CELF6: variants seen among roughly 807,000 people sequenced by gnomAD.
CELF6 encodes CUGBP Elav-like family member 6.
In CELF6, 32 loss-of-function variants were observed where a neutral mutation model predicts 53.1. That is an observed-to-expected ratio of 0.60 (90% CI 0.46 to 0.81). CELF6 has a LOEUF of 0.81. Among genes scored for constraint, CELF6 ranks in the 30% least tolerant of loss-of-function variants. CELF6 has a pLI of 0.00. For missense variants in CELF6, 539 were observed against 669.5 expected, an observed-to-expected ratio of 0.81 and a Z score of 2.15; for synonymous variants, 291 against 288.8, an observed-to-expected ratio of 1.01 and a Z score of -0.08.
Position 72,286,283 on chromosome 15 carries a change from G to T in CELF6, c.*88C>A. On this transcript the variant is annotated 3_prime_UTR_variant, in exon 13 of 13. Coordinates refer to ENST00000287202, the MANE Select transcript of CELF6 (RefSeq NM_052840.5). ...CACCTCCGTCCGCAGCTGCTCCTTCGGGAAGGGCTGCTCAAGCGTTTCTGT... is the reference window on the plus strand; with the variant it reads ...CACCTCCGTCCGCAGCTGCTCCTTCTGGAAGGGCTGCTCAAGCGTTTCTGT... The T allele has an allele frequency of 6.5e-6, 1 of 152,870 alleles. No individual in the cohort carries two copies. 9.5% of individuals were successfully genotyped at this position (152,870 alleles called of 1,614,324 possible).
intron 1 of CELF6, among the ~76,000 whole-genome samples, chr15:72,316,715 C>T (rs1343564733): frequency 6.6e-6 from 1 of 152,214 alleles, no homozygotes; most frequent in Non-Finnish European, 1.5e-5. Flanking sequence ...GACCTGTAGC[C>T]TGCTAGGAAG....
intron 3 of CELF6, among the ~76,000 whole-genome samples, chr15:72,300,560 G>C (rs943245181): frequency 1.3e-5 from 2 of 152,128 alleles, no homozygotes; most frequent in African/African-American, 4.8e-5. Context: ...TAGGTTGGGC[G>C]TGGTGGCTCA....
intron 2 of CELF6, among the ~76,000 whole-genome samples, chr15:72,310,368 A>G (rs2912221): frequency 0.19 from 29,544 of 151,916 alleles, 7,666 homozygotes; most frequent in African/African-American, 0.59. Flanking sequence ...TAGAATCTAT[A>G]TGGATATCCT....
chr15:72,306,078 T>G, intron 2 of CELF6: 1 of 984,976 alleles, frequency 1.0e-6, no homozygotes, highest in East Asian at 1.1e-4. Flanking sequence ...TTTCAATATA[T>G]CGCCCCCACA....
chr15:72,294,378 TA>T (rs2088047518), intron 3 of CELF6, among the ~76,000 whole-genome samples: 1 of 152,164 alleles, frequency 6.6e-6, no homozygotes, highest in Non-Finnish European at 1.5e-5. Flanking sequence ...TTTTTCAATG[TA>T]AATGCCAACC....
rs1185597918 is a variant in CELF6, at chr15:72,319,407, A to G, written c.262+206T>C. 6.6e-6 allele frequency among the ~76,000 whole-genome samples: 1 copy of G among 152,102 alleles called. No homozygotes were observed. The highest frequency in any genetic ancestry group is 6.5e-5 in the Admixed American group (1 of 15,270). On this transcript the variant is annotated intron_variant, in intron 1 of 12. Coordinates refer to ENST00000287202, the MANE Select transcript of CELF6 (RefSeq NM_052840.5). The surrounding 1 kb of genome is among the most constrained non-coding windows in gnomAD (Gnocchi z 5.0). Reference sequence around the variant, plus strand: ...CAGGAATTTGGAGGTTAGAGTGGAGAACATGTTAGGGGACCACAGTGATAA... The same window carrying G: ...CAGGAATTTGGAGGTTAGAGTGGAGGACATGTTAGGGGACCACAGTGATAA...
chr15:72,315,708 A>G (rs1470669341), intron 2 of CELF6, 137 bp downstream of exon 2: 2 of 558,304 alleles, frequency 3.6e-6, no homozygotes, highest in Non-Finnish European at 6.3e-6. Context: ...TTCAGGGTAC[A>G]GGAAGCCCTC....
At chr15:72,292,330 G>T in intron 3 of CELF6, 1 of 1,144,218 alleles carries the variant, frequency 8.7e-7, no homozygotes, top group Non-Finnish European at 1.2e-6. Context: ...CCTTGACATT[G>T]GAGAATGGGC....
At chr15:72,305,509 A>G (rs1036607518) in intron 2 of CELF6, among the ~76,000 whole-genome samples, 8 of 152,176 alleles carry the variant, frequency 5.3e-5, no homozygotes, top group Admixed American at 2.0e-4. Flanking sequence ...GCCCGGCCAG[A>G]TTCAATTTTT....
chr15:72,315,397 T>G (rs1239640465), intron 2 of CELF6, among the ~76,000 whole-genome samples: 1 of 152,036 alleles, frequency 6.6e-6, no homozygotes, highest in African/African-American at 2.4e-5. Flanking sequence ...ACAATCTTAG[T>G]GAGTCAAGGC....
Position 72,315,904 on chromosome 15 carries a change from C to A in CELF6, c.286G>T (p.Ala96Ser). 3 of 1,607,794 alleles carry A rather than the reference C, an allele frequency of 1.9e-6. No individual in the cohort carries two copies. Among genetic ancestry groups the A allele is most frequent in the Non-Finnish European group, 2.5e-6 (3 of 1,177,376 alleles). ...HKGCAFLTYC[A>S]RDSALKAQSA... ...TGGGCCTTGAGAGCAGAGTCCCGGGCGCAGTAGGTGAGGAAGGCACAGCCT... is the reference window on the plus strand; with the variant it reads ...TGGGCCTTGAGAGCAGAGTCCCGGGAGCAGTAGGTGAGGAAGGCACAGCCT... Residue 96 changes from alanine (A) to serine (S), a missense_variant, in exon 2 of 13, where the codon GCC (alanine) becomes TCC (serine). This residue lies in a region of CELF6 where 97 missense variants were observed against 168.8 expected (regional missense o/e 0.57). Coordinates refer to ENST00000287202, the MANE Select transcript of CELF6 (RefSeq NM_052840.5).
At chr15:72,315,813 G>C (rs1305790990) in intron 2 of CELF6, 32 bp downstream of exon 2, 1 of 1,487,908 alleles carries the variant, frequency 6.7e-7, no homozygotes, top group Non-Finnish European at 9.2e-7. Context: ...CCAGCCTGAG[G>C]TGATTCCCAC....
chr15:72,293,960 CT>C (rs61264737), intron 3 of CELF6, among the ~76,000 whole-genome samples: 152,303 of 152,304 alleles, frequency 1, 76,151 homozygotes, highest in Non-Finnish European at 1. Flanking sequence ...TCCCACAGTG[CT>C]TGGGATTTCA....
At position 72,289,319 on chromosome 15, in the gene CELF6, G is replaced by A. The variant is rs1168051124; in HGVS notation, c.881-32C>T. 4.6e-6 allele frequency: 7 copies of A among 1,538,450 alleles called. No homozygotes were observed. The highest frequency in any genetic ancestry group is 2.0e-5 in the Admixed American group (1 of 49,898). ...GCGGAAAAGGTCTGAGAGTCAGGCC[G>A]CCACCCCGCCCCGCCCGGCCCCTCC... is the stretch of plus-strand genomic sequence containing the variant. On this transcript the variant is annotated intron_variant, in intron 7 of 12. Transcript: ENST00000287202. The surrounding 1 kb of genome is among the most constrained non-coding windows in gnomAD (Gnocchi z 7.6).
intron 2 of CELF6, chr15:72,306,157 T>C (rs1319509305): frequency 1.0e-6 from 1 of 977,624 alleles, no homozygotes; most frequent in Non-Finnish European, 1.2e-6. Context: ...CTCATGGGTG[T>C]TGTGGGGATC....
At chr15:72,290,555 C>G (rs920281146) in intron 3 of CELF6, among the ~76,000 whole-genome samples, 4 of 152,122 alleles carry the variant, frequency 2.6e-5, no homozygotes, top group Non-Finnish European at 4.4e-5. Flanking sequence ...GGGTAGAGCC[C>G]TATATGCATT....
At chr15:72,301,241 G>C (rs1005597553) in intron 3 of CELF6, among the ~76,000 whole-genome samples, 3 of 152,070 alleles carry the variant, frequency 2.0e-5, no homozygotes, top group Admixed American at 2.0e-4. Flanking sequence ...TCATCCTCCC[G>C]CCTTGGCCTC....
chr15:72,288,899 C>G lies in CELF6; in HGVS notation c.1062G>C (p.Gln354His). 1 of 1,550,974 alleles carries G rather than the reference C, an allele frequency of 6.4e-7. No individual in the cohort carries two copies. Among genetic ancestry groups the G allele is most frequent in the Non-Finnish European group, 8.7e-7 (1 of 1,147,068 alleles). The change falls in exon 9 of 13, where the codon CAG (glutamine) becomes CAC (histidine). Residue 354 changes from glutamine (Q) to histidine (H), a missense_variant. Transcript: ENST00000287202. The surrounding 1 kb of genome is among the most constrained non-coding windows in gnomAD (Gnocchi z 4.6). ...AGTGGTGCATCCCAGCGTAGGCCTG[C>G]TGCAGGGGGTCAGCCACGCCGGGGC... The part of the protein sequence containing the change: ...AQSPGVADPL[Q>H]QAYAGMHHYA...
intron 2 of CELF6, among the ~76,000 whole-genome samples, chr15:72,310,289 A>G (rs1186851370): frequency 6.6e-6 from 1 of 152,070 alleles, no homozygotes; most frequent in African/African-American, 2.4e-5. Context: ...CAAACTTTCT[A>G]ATTTTTAGTA....
Sources: gnomAD v4.1 joint callset for allele counts (sites outside exome capture counted in the v4.1 genomes callset) on GRCh38, gnomAD v4.1.1 for gene constraint, gnomAD v4.1.1 regional missense constraint, Gnocchi (gnomAD v3.1) non-coding constraint, MANE v1.5 for transcripts, NCBI Gene and HGNC (gene_info 2026-07-23, HGNC 2026-07-21) for gene names.